FAF1: variants seen among roughly 807,000 people sequenced by gnomAD.
FAF1 encodes the protein FAS-associated factor 1.
A neutral mutation model predicts 92.5 loss-of-function variants in FAF1; 25 were observed. The ratio of observed to expected loss-of-function variants is 0.27; its 90% confidence interval spans 0.20 to 0.38. The LOEUF (loss-of-function observed/expected upper bound fraction) is 0.38, where lower values mean the gene tolerates loss of function less well. Among genes scored for constraint, FAF1 ranks in the 10% least tolerant of loss-of-function variants. The probability of loss-of-function intolerance (pLI) is 1.00; values close to 1 mark genes in which losing one functional copy is unlikely to be tolerated. For synonymous variants in FAF1, 234 were observed against 273.2 expected, an observed-to-expected ratio of 0.86 and a Z score of 1.42; for missense variants, 636 against 793.3, an observed-to-expected ratio of 0.80 and a Z score of 2.38.
At chr1:50,488,464 AATACACACAC>A (rs1036521431) in intron 17 of FAF1, among the ~76,000 whole-genome samples, 26 of 152,192 alleles carry the variant, frequency 1.7e-4, no homozygotes, top group African/African-American at 6.3e-4. Context: ...ACGATACACT[AATACACACAC>A]AAACACACAC....
intron 5 of FAF1, among the ~76,000 whole-genome samples, chr1:50,739,240 A>G (rs1276475243): frequency 6.6e-6 from 1 of 151,888 alleles, no homozygotes; most frequent in Non-Finnish European, 1.5e-5. Context: ...GCATACATAT[A>G]TATGTGTGTC....
chr1:50,713,768 A>C (rs1269867710), intron 6 of FAF1, among the ~76,000 whole-genome samples: 3 of 148,582 alleles, frequency 2.0e-5, no homozygotes, highest in Non-Finnish European at 4.5e-5. Context: ...TGGCAAATGT[A>C]AAAGCTTTTT....
chr1:50,778,299 G>A (rs769610684), intron 4 of FAF1, among the ~76,000 whole-genome samples: 9 of 152,090 alleles, frequency 5.9e-5, no homozygotes, highest in South Asian at 2.1e-4. Flanking sequence ...GGCTTCTAAC[G>A]TGCAATAAAT....
chr1:50,471,916 G>A (rs1360905481), intron 18 of FAF1, among the ~76,000 whole-genome samples: 1 of 152,148 alleles, frequency 6.6e-6, no homozygotes, highest in Non-Finnish European at 1.5e-5. Flanking sequence ...AGAATGGAAA[G>A]ATGGAGGAGA....
chr1:50,627,727 T>C (rs1653572659), intron 8 of FAF1, among the ~76,000 whole-genome samples: 1 of 152,212 alleles, frequency 6.6e-6, no homozygotes, highest in Admixed American at 6.5e-5. Context: ...TTTAAAATGT[T>C]TTCTTTCTTA....
At chr1:50,779,006 T>C (rs1041539024) in intron 4 of FAF1, among the ~76,000 whole-genome samples, 3 of 152,266 alleles carry the variant, frequency 2.0e-5, no homozygotes, top group Non-Finnish European at 4.4e-5. Context: ...TTTTATCAAT[T>C]AAGTTTATGT....
At chr1:50,817,627 A>C (rs1215133480) in intron 2 of FAF1, among the ~76,000 whole-genome samples, 1 of 152,222 alleles carries the variant, frequency 6.6e-6, no homozygotes, top group Admixed American at 6.5e-5. Context: ...AAATTGGTTA[A>C]GATGGTAAGT....
At chr1:50,619,253 A>T (rs1348959839) in intron 8 of FAF1, among the ~76,000 whole-genome samples, 1 of 152,152 alleles carries the variant, frequency 6.6e-6, no homozygotes, top group Non-Finnish European at 1.5e-5. Context: ...TAGTACTGAT[A>T]TATGTGATTT....
intron 2 of FAF1, among the ~76,000 whole-genome samples, chr1:50,812,297 C>T (rs1240553939): frequency 6.6e-6 from 1 of 151,934 alleles, no homozygotes; most frequent in Non-Finnish European, 1.5e-5. Flanking sequence ...ATATTTGCAA[C>T]CTACAGAATG....
chr1:50,616,619 T>TAA (rs1158568373), intron 8 of FAF1, among the ~76,000 whole-genome samples: 3 of 152,156 alleles, frequency 2.0e-5, no homozygotes, highest in Non-Finnish European at 4.4e-5. Flanking sequence ...ATTGTGTTCT[T>TAA]AGTTTGACTC....
intron 2 of FAF1, among the ~76,000 whole-genome samples, chr1:50,806,953 C>T (rs1662230090): frequency 6.6e-6 from 1 of 152,200 alleles, no homozygotes; most frequent in African/African-American, 2.4e-5. Context: ...GGTACCAGTG[C>T]AGCAAGAACT....
intron 7 of FAF1, among the ~76,000 whole-genome samples, chr1:50,700,825 T>C (rs1454413269): frequency 2.0e-5 from 3 of 152,088 alleles, no homozygotes; most frequent in Non-Finnish European, 4.4e-5. Context: ...AAAAAAGATA[T>C]CCAATCCAGA....
At chr1:50,537,885 T>C (rs1175443654) in intron 14 of FAF1, among the ~76,000 whole-genome samples, 1 of 152,164 alleles carries the variant, frequency 6.6e-6, no homozygotes, top group Non-Finnish European at 1.5e-5. Flanking sequence ...TCTTTGATAA[T>C]ACACTTAAAC....
At chr1:50,606,252 T>C (rs1409184084) in intron 8 of FAF1, among the ~76,000 whole-genome samples, 1 of 152,180 alleles carries the variant, frequency 6.6e-6, no homozygotes, top group African/African-American at 2.4e-5. Context: ...GTCAATTAAA[T>C]TTAACTGTAT....
chr1:50,577,891 A>G (rs766322165), intron 12 of FAF1, among the ~76,000 whole-genome samples: 1 of 152,240 alleles, frequency 6.6e-6, no homozygotes, highest in Non-Finnish European at 1.5e-5. Flanking sequence ...TGCTTCGTAC[A>G]GTACTGTAAA....
rs188802011 is a variant in FAF1 at position 50,822,690 on chromosome 1, G to A, written c.115-21013C>T. Among the ~76,000 whole-genome samples the A allele has an allele frequency of 4.6e-4, 70 of 151,912 alleles. No individual in the cohort carries two copies. In the East Asian group the frequency reaches 6.6e-3, roughly 14 times the overall value. On this transcript the variant is annotated intron_variant, in intron 2 of 18. Transcript: ENST00000396153. ...TAGTCCTTTCCCAGATTGAATTTGC[G>A]AGCTAAAACCTAAAAGCAACAGAAA...
chr1:50,952,014 A>G (rs976256536), intron 1 of FAF1, among the ~76,000 whole-genome samples: 2 of 152,256 alleles, frequency 1.3e-5, no homozygotes, highest in Admixed American at 6.5e-5. Context: ...AGAAAAGTCC[A>G]TATTTCAAAG....
intron 15 of FAF1, among the ~76,000 whole-genome samples, chr1:50,524,113 T>C (rs907773387): frequency 4.6e-5 from 7 of 152,188 alleles, no homozygotes; most frequent in African/African-American, 1.4e-4. Flanking sequence ...AGGTATCTCA[T>C]TGTGGTTTTG....
intron 8 of FAF1, among the ~76,000 whole-genome samples, chr1:50,650,604 A>G (rs902060164): frequency 3.3e-5 from 5 of 152,190 alleles, no homozygotes; most frequent in African/African-American, 1.2e-4. Flanking sequence ...TGGGTGACAG[A>G]GCAAGACTGT....
Sources: gnomAD v4.1 joint callset for allele counts (sites outside exome capture counted in the v4.1 genomes callset) on GRCh38, gnomAD v4.1.1 for gene constraint, MANE v1.5 for transcripts, NCBI Gene and HGNC (gene_info 2026-07-23, HGNC 2026-07-21) for gene names.